The following TEX15 variants were observed in gnomAD, a reference collection of about 807,000 sequenced individuals.
TEX15 encodes testis-expressed protein 15.
TEX15 carries 171 observed loss-of-function variants against 237.3 expected under a neutral mutation model. The observed-to-expected ratio is 0.72, with a 90% confidence interval of 0.64 to 0.82. TEX15 has a LOEUF of 0.82. Among genes scored for constraint, TEX15 ranks in the 40% least tolerant of loss-of-function variants. TEX15 has a pLI of 0.00. For missense variants in TEX15, 3,750 were observed against 3,646.5 expected (o/e 1.03, Z -0.73); for synonymous variants, 1,338 against 1,269.8 (o/e 1.05, Z -1.14).
At chr8:30,868,732 A>C (rs1399364749) in intron 4 of TEX15, among the ~76,000 whole-genome samples, 1 of 151,968 alleles carries the variant, frequency 6.6e-6, no homozygotes, top group Admixed American at 6.6e-5. Flanking sequence ...AACCACTAAG[A>C]TCACTGTCTA....
At position 30,857,338 on chromosome 8, in the gene TEX15, T is replaced by G. The variant is rs191905293; in HGVS notation, c.850+1330A>C. 3.7e-4 allele frequency among the ~76,000 whole-genome samples: 56 copies of G among 152,172 alleles called. 1 individual carries two copies. The highest frequency in any genetic ancestry group is 9.9e-4 in the African/African-American group (41 of 41,526). Reference sequence around the variant, plus strand: ...AAAATGGGAAAACATACCCATAAAGTTTAAAAAAACAGAAAAATATCTTCA... The same window carrying G: ...AAAATGGGAAAACATACCCATAAAGGTTAAAAAAACAGAAAAATATCTTCA... On this transcript the variant is annotated intron_variant, in intron 7 of 10. Coordinates refer to ENST00000643185, the MANE Select transcript of TEX15 (RefSeq NM_001350162.2).
chr8:30,879,430 A>C (rs1373543389), intron 3 of TEX15, among the ~76,000 whole-genome samples: 1 of 152,218 alleles, frequency 6.6e-6, no homozygotes, highest in Non-Finnish European at 1.5e-5. Context: ...TTTAAGCCCA[A>C]GGTTCATTCG....
In TEX15 at chr8:30,845,659, G is replaced by A; in HGVS notation, c.4508C>T (p.Thr1503Ile). The change falls in exon 8 of 11, where the codon ACC (threonine) becomes ATC (isoleucine). Residue 1503 changes from threonine (T) to isoleucine (I), a missense_variant. Transcript: ENST00000643185. ...ASSVSKSHPT[T>I]SHMGEFCNQE... ...ATTACAAAATTCTCCCATGTGACTG[G>A]TGGTGGGGTGACTTTTTGAGACACT... The A allele has an allele frequency of 6.2e-7, 1 of 1,613,610 alleles. No homozygotes were observed. Among genetic ancestry groups the A allele is most frequent in the Non-Finnish European group, 8.5e-7 (1 of 1,179,630 alleles).
chr8:30,896,165 C>T (rs955683115), intron 2 of TEX15, among the ~76,000 whole-genome samples: 5 of 152,076 alleles, frequency 3.3e-5, no homozygotes, highest in African/African-American at 9.7e-5. Flanking sequence ...TAAACTTCCC[C>T]TCAATCTTAT....
At chr8:30,894,266 A>G (rs555903869) in intron 2 of TEX15, among the ~76,000 whole-genome samples, 6 of 152,262 alleles carry the variant, frequency 3.9e-5, no homozygotes, top group African/African-American at 1.2e-4. Flanking sequence ...AGCTGTAGTG[A>G]GCTATGACTG....
chr8:30,898,225 G>A (rs558212494), intron 2 of TEX15, among the ~76,000 whole-genome samples: 1 of 152,168 alleles, frequency 6.6e-6, no homozygotes, highest in East Asian at 1.9e-4. Flanking sequence ...TCGTGCCCCC[G>A]TGAAACTCAC....
chr8:30,867,562 G>C (rs921425535), intron 4 of TEX15, 60 bp from the exon 5 acceptor site: 6 of 1,003,614 alleles, frequency 6.0e-6, no homozygotes, highest in African/African-American at 3.2e-5. Flanking sequence ...TTTTCAAGAA[G>C]ATACATATTT....
Position 30,845,226 on chromosome 8 carries a change from A to G in TEX15, c.4941T>C (p.Thr1647=), listed in dbSNP as rs376790583. ...AATCTAAGACTGATATAAGTACGTC[A>G]GTTTTCGCCTTTGTGTGACCTATGC... ...ATCIGHTKAK[T]DVLISVLDSN... is the part of the protein sequence containing the mutation. The change falls in exon 8 of 11, where the codon ACT becomes ACC. Residue 1647 remains threonine (T), a synonymous_variant. Transcript: ENST00000643185. 4 of 1,613,464 alleles carry G rather than the reference A, an allele frequency of 2.5e-6. No individual in the cohort carries two copies. In the African/African-American group the frequency reaches 5.3e-5, roughly 22 times the overall value.
rs957171986 is a variant in TEX15, at chr8:30,843,929, T to A, written c.6238A>T (p.Met2080Leu). The A allele has an allele frequency of 3.1e-6, 5 of 1,612,806 alleles. No individual in the cohort carries two copies. In the African/African-American group the frequency reaches 6.7e-5, roughly 22 times the overall value. Residue 2080 changes from methionine (M) to leucine (L), a missense_variant, in exon 8 of 11, where the codon ATG (methionine) becomes TTG (leucine). Transcript: ENST00000643185. ...VDTLVELQMMMETIQFIENKK... is the reference protein window; with the variant it reads ...VDTLVELQMMLETIQFIENKK... Reference sequence around the variant, plus strand: ...TTTTCAATGAATTGAATTGTTTCCATCATCATTTGAAGTTCTACCAAAGTG... The same window carrying A: ...TTTTCAATGAATTGAATTGTTTCCAACATCATTTGAAGTTCTACCAAAGTG...
intron 2 of TEX15, among the ~76,000 whole-genome samples, chr8:30,889,817 T>C (rs1808744434): frequency 2.6e-5 from 4 of 151,408 alleles, no homozygotes. Context: ...GATATATATT[T>C]CTTTATGCTC....
chr8:30,834,009 T>G (rs564976906), intron 10 of TEX15, among the ~76,000 whole-genome samples: 4 of 152,180 alleles, frequency 2.6e-5, no homozygotes, highest in African/African-American at 7.2e-5. Context: ...TCTGAAACAA[T>G]TACAATCAAG....
At chr8:30,867,626 A>G in intron 4 of TEX15, 124 bp from the exon 5 acceptor site, 1 of 606,032 alleles carries the variant, frequency 1.7e-6, no homozygotes, top group Non-Finnish European at 2.9e-6. Context: ...AGGTATTACT[A>G]CACTGTGATG....
In TEX15 at chr8:30,847,445, G is replaced by T. The variant is rs769282081; in HGVS notation, c.2722C>A (p.His908Asn). The change falls in exon 8 of 11, where the codon CAC becomes AAC. Residue 908 changes from histidine (H) to asparagine (N), a missense_variant. His to Asn is a moderately conservative substitution (Grantham distance 68). Transcript: ENST00000643185. ...TCAGAACTCAAAATTTCTATATTGT[G>T]GTAATTTTTGTCCTCCTTTTCATCT... ...NIDEKEDKNY[H>N]NIEILSSEEF... 5.0e-6 allele frequency: 8 copies of T among 1,610,620 alleles called. No homozygotes were observed. The East Asian group carries it at 1.8e-4, about 36-fold the overall frequency.
At chr8:30,909,821 G>A (rs1009460156) in intron 1 of TEX15, among the ~76,000 whole-genome samples, 13 of 151,994 alleles carry the variant, frequency 8.6e-5, no homozygotes, top group Admixed American at 6.6e-5. Flanking sequence ...AAATATAAAC[G>A]GAAAGAAGAT....
At chr8:30,896,651 C>A (rs1808911609) in intron 2 of TEX15, among the ~76,000 whole-genome samples, 1 of 152,080 alleles carries the variant, frequency 6.6e-6, no homozygotes, top group African/African-American at 2.4e-5. Flanking sequence ...CTGTGTGCTT[C>A]TTAGAATCAG....
chr8:30,860,040 C>T lies in TEX15; in HGVS notation c.558G>A (p.Val186=). The T allele has an allele frequency of 6.8e-7, 1 of 1,472,696 alleles. No individual in the cohort carries two copies. The highest frequency in any genetic ancestry group is 2.5e-5 in the East Asian group (1 of 39,486). 91.2% of individuals were successfully genotyped at this position (1,472,696 alleles called of 1,614,324 possible). The change falls in exon 6 of 11, where the codon GTG becomes GTA. Residue 186 remains valine, a synonymous_variant. Transcript: ENST00000643185. ...ILIFKVLFGK[V]KKIQPSVDKN... ...TATCCACAGAAGGTTGGATTTTCTT[C>T]ACTTTTCCAAAGAGAACCTAAAAAA...
intron 1 of TEX15, among the ~76,000 whole-genome samples, chr8:30,902,168 T>C (rs1308168164): frequency 1.3e-5 from 2 of 152,096 alleles, no homozygotes; most frequent in East Asian, 3.9e-4. Flanking sequence ...TGGTCTAAGA[T>C]AATTCTGAGG....
chr8:30,893,159 C>A (rs1305966392), intron 2 of TEX15, among the ~76,000 whole-genome samples: 1 of 152,046 alleles, frequency 6.6e-6, no homozygotes, highest in Non-Finnish European at 1.5e-5. Flanking sequence ...ATCTTCACAA[C>A]ATCCCTATGA....
chr8:30,877,656 T>C (rs1432786643), intron 3 of TEX15, among the ~76,000 whole-genome samples: 2 of 152,174 alleles, frequency 1.3e-5, no homozygotes, highest in East Asian at 1.9e-4. Flanking sequence ...ACTTTTTATT[T>C]TGAAATGAAT....
Sources: gnomAD v4.1 joint callset for allele counts (sites outside exome capture counted in the v4.1 genomes callset) on GRCh38, gnomAD v4.1.1 for gene constraint, MANE v1.5 for transcripts, NCBI Gene and HGNC (gene_info 2026-07-23, HGNC 2026-07-21) for gene names.